LMX1A: variants seen among roughly 807,000 people sequenced by gnomAD.
The protein encoded by LMX1A is LIM homeobox transcription factor 1-alpha.
Under a neutral mutation model 49.1 loss-of-function variants are expected in LMX1A, and 15 were observed. The ratio of observed to expected loss-of-function variants is 0.31; its 90% confidence interval spans 0.20 to 0.47. LMX1A has a LOEUF of 0.47. LMX1A is among the 20% of genes least tolerant of loss of function. The pLI, the probability that LMX1A is intolerant of heterozygous loss-of-function variation, is 1.00. For missense variants in LMX1A, 372 were observed against 475.8 expected (o/e 0.78, Z 2.03); for synonymous variants, 167 against 185.7 (o/e 0.90, Z 0.82).
chr1:165,209,121 CTG>C (rs916835453), intron 6 of LMX1A, among the ~76,000 whole-genome samples: 1 of 152,140 alleles, frequency 6.6e-6, no homozygotes, highest in African/African-American at 2.4e-5. Context: ...AAATGTGTCC[CTG>C]TGCTTTATGA....
At chr1:165,242,380 G>C (rs2102630432) in intron 4 of LMX1A, among the ~76,000 whole-genome samples, 1 of 151,542 alleles carries the variant, frequency 6.6e-6, no homozygotes, top group South Asian at 2.1e-4. Context: ...AAAGAGCCTT[G>C]CCTTAGCCAA....
intron 3 of LMX1A, among the ~76,000 whole-genome samples, chr1:165,347,418 C>T (rs1371127258): frequency 6.6e-6 from 1 of 152,184 alleles, no homozygotes; most frequent in African/African-American, 2.4e-5. Context: ...CACATAGGAG[C>T]CTTTCTGCTT....
chr1:165,320,377 G>C (rs1655350133), intron 3 of LMX1A, among the ~76,000 whole-genome samples: 14 of 152,190 alleles, frequency 9.2e-5, no homozygotes, highest in Admixed American at 9.2e-4. Flanking sequence ...TGTTAGCTAA[G>C]ACACTAAGCA....
chr1:165,269,780 A>G (rs562263548), intron 3 of LMX1A, among the ~76,000 whole-genome samples: 207 of 152,306 alleles, frequency 1.4e-3, no homozygotes, highest in African/African-American at 4.9e-3. Context: ...ATTCTCAGCA[A>G]ACTGTTGCAG....
In LMX1A at chr1:165,275,358, A is replaced by G. The variant is rs565381870; in HGVS notation, c.264-25718T>C. On this transcript the variant is annotated intron_variant, in intron 3 of 8. Transcript: ENST00000342310. ...TAGCAACTGTGAACAACACTCCCCA[A>G]TAAGCAGCAGTCTGGGCTTTGTTGG... Among the ~76,000 whole-genome samples the G allele has an allele frequency of 2.0e-5, 3 of 152,366 alleles. No individual in the cohort carries two copies. In the East Asian group the frequency reaches 5.8e-4, roughly 29 times the overall value.
intron 3 of LMX1A, among the ~76,000 whole-genome samples, chr1:165,337,886 T>TGTGTGTGTGTGTGTG (rs1553213775): frequency 1.9e-4 from 4 of 20,786 alleles, no homozygotes; most frequent in African/African-American, 4.0e-4. Context: ...GTGTGTGTGT[T>TGTGTGTGTGTGTGTG]TCTGTGTGTG....
intron 3 of LMX1A, among the ~76,000 whole-genome samples, chr1:165,282,216 T>A (rs1654173889): frequency 1.3e-5 from 2 of 152,214 alleles, no homozygotes; most frequent in African/African-American, 4.8e-5. Context: ...CTAGCCACTC[T>A]TCTAAATTCC....
intron 3 of LMX1A, among the ~76,000 whole-genome samples, chr1:165,317,990 C>T (rs1362181962): frequency 6.6e-6 from 1 of 152,230 alleles, no homozygotes; most frequent in African/African-American, 2.4e-5. Flanking sequence ...GGAAGCAAAG[C>T]TGACTGAGGA....
chr1:165,278,826 G>A (rs1654047612), intron 3 of LMX1A, among the ~76,000 whole-genome samples: 1 of 152,188 alleles, frequency 6.6e-6, no homozygotes, highest in Admixed American at 6.5e-5. Context: ...CTGACAGAGT[G>A]GAACTGGAGC....
intron 4 of LMX1A, among the ~76,000 whole-genome samples, chr1:165,242,520 A>T (rs545287497): frequency 1.3e-5 from 2 of 152,190 alleles, no homozygotes; most frequent in African/African-American, 4.8e-5. Context: ...AAGGAAATAA[A>T]GATATTGTTT....
intron 3 of LMX1A, among the ~76,000 whole-genome samples, chr1:165,322,143 C>T (rs989628835): frequency 5.9e-5 from 9 of 152,018 alleles, no homozygotes; most frequent in African/African-American, 1.9e-4. Flanking sequence ...TTTATACCTA[C>T]TAGGATGGCC....
At chr1:165,249,385 C>A (rs953768900) in intron 4 of LMX1A, 23 bp downstream of exon 4, 3 of 1,574,752 alleles carry the variant, frequency 1.9e-6, no homozygotes, top group Non-Finnish European at 2.6e-6. Flanking sequence ...CCACCGCAGC[C>A]CTGCCCACCA....
At chr1:165,273,715 T>A (rs1298580541) in intron 3 of LMX1A, among the ~76,000 whole-genome samples, 1 of 152,220 alleles carries the variant, frequency 6.6e-6, no homozygotes, top group East Asian at 1.9e-4. Flanking sequence ...AAACATATAT[T>A]GTCCTTACCA....
rs1336053832 is a variant in LMX1A, at chr1:165,349,641, T to C, written c.263+3435A>G. ...TGCTTTTTTTTTGGTAATCAGAAGA[T>C]AAATTATTCCTAACGGCATCGCAGT... On this transcript the variant is annotated intron_variant, in intron 3 of 8. Transcript: ENST00000342310. 3.9e-5 allele frequency among the ~76,000 whole-genome samples: 6 copies of C among 152,268 alleles called. No individual in the cohort carries two copies. The South Asian group carries it at 1.0e-3, about 26-fold the overall frequency.
At chr1:165,351,494 C>T (rs560301876) in intron 3 of LMX1A, among the ~76,000 whole-genome samples, 1 of 152,324 alleles carries the variant, frequency 6.6e-6, no homozygotes, top group East Asian at 1.9e-4. Context: ...CACATCTTCT[C>T]TCAAAAATGT....
At chr1:165,217,089 T>C (rs1008201776) in intron 4 of LMX1A, among the ~76,000 whole-genome samples, 4 of 152,194 alleles carry the variant, frequency 2.6e-5, no homozygotes, top group Non-Finnish European at 5.9e-5. Context: ...GGGTCTCAGT[T>C]AAGGTTTTAC....
chr1:165,223,831 G>A (rs1449288628), intron 4 of LMX1A, among the ~76,000 whole-genome samples: 1 of 151,162 alleles, frequency 6.6e-6, no homozygotes, highest in African/African-American at 2.4e-5. Context: ...AAAAACTAGT[G>A]TACTACACCC....
intron 3 of LMX1A, among the ~76,000 whole-genome samples, chr1:165,326,598 C>T (rs1304597380): frequency 6.6e-6 from 1 of 152,190 alleles, no homozygotes; most frequent in Non-Finnish European, 1.5e-5. Context: ...TGTGCCTGGG[C>T]CAGCTGGTTA....
At chr1:165,269,145 G>T (rs1309887003) in intron 3 of LMX1A, among the ~76,000 whole-genome samples, 1 of 151,926 alleles carries the variant, frequency 6.6e-6, no homozygotes, top group African/African-American at 2.4e-5. Context: ...GACAAAAGAG[G>T]GTGAGATAAC....
Sources: gnomAD v4.1 joint callset for allele counts (sites outside exome capture counted in the v4.1 genomes callset) on GRCh38, gnomAD v4.1.1 for gene constraint, MANE v1.5 for transcripts, NCBI Gene and HGNC (gene_info 2026-07-23, HGNC 2026-07-21) for gene names.